The following TEP1 variants were observed in gnomAD, a reference collection of about 807,000 sequenced individuals.
The protein encoded by TEP1 is telomerase associated protein 1.
In TEP1, 241 loss-of-function variants were observed where a neutral mutation model predicts 306.3. The ratio of observed to expected loss-of-function variants is 0.79; its 90% CI spans 0.71 to 0.88. The LOEUF is 0.88. Among genes scored for constraint, TEP1 ranks in the 40% least tolerant of loss-of-function variants. The pLI, the probability that TEP1 is intolerant of heterozygous loss-of-function variation, is 0.00. For missense variants in TEP1, 3,051 were observed against 3,276.1 expected (o/e 0.93, Z 1.68); for synonymous variants, 1,289 against 1,305.5 (o/e 0.99, Z 0.27).
chr14:20,406,477 C>T, intron 2 of TEP1, 77 bp from the exon 3 acceptor site: 1 of 1,500,666 alleles, frequency 6.7e-7, no homozygotes, highest in East Asian at 2.3e-5. Context: ...GAAGGCAGCA[C>T]CAGGCCACGG....
chr14:20,411,120 T>C (rs997758267), intron 1 of TEP1, among the ~76,000 whole-genome samples: 3 of 152,076 alleles, frequency 2.0e-5, no homozygotes. Context: ...GCACCCAGCC[T>C]AATTGTTTCT....
At position 20,381,120 on chromosome 14, in the gene TEP1, G is replaced by C; in HGVS notation, c.4648-75C>G. ...AGGGACAGTTTAGTCTCAGAACCTG[G>C]ATACAGAGATAGGATCTGAGCTGGG... On this transcript the variant is annotated intron_variant, in intron 32 of 54. Coordinates refer to ENST00000262715, the MANE Select transcript of TEP1 (RefSeq NM_007110.5). The surrounding 1 kb of genome is among the most constrained non-coding windows in gnomAD (Gnocchi z 4.0). 7.7e-7 allele frequency: 1 copy of C among 1,294,214 alleles called. No homozygotes were observed. Among genetic ancestry groups the C allele is most frequent in the Non-Finnish European group, 1.1e-6 (1 of 891,378 alleles). 80.2% of individuals were successfully genotyped at this position (1,294,214 alleles called of 1,614,324 possible).
At chr14:20,391,904 C>T in intron 12 of TEP1, 137 bp from the exon 13 acceptor site, 1 of 882,206 alleles carries the variant, frequency 1.1e-6, no homozygotes, top group Non-Finnish European at 1.7e-6. Context: ...CCACAGCCCA[C>T]TCCATTTCTG....
chr14:20,381,766 C>T lies in TEP1; in HGVS notation c.4425-80G>A. The stretch of plus-strand genomic sequence containing the variant: ...TCCTGGCACACAGTGGGCTCCTATT[C>T]CCCCCTCAAATAGCGGAAACTGGAG... On this transcript the variant is annotated intron_variant, in intron 30 of 54. Coordinates refer to ENST00000262715, the MANE Select transcript of TEP1 (RefSeq NM_007110.5). The surrounding 1 kb of genome is among the most constrained non-coding windows in gnomAD (Gnocchi z 4.0). The T allele has an allele frequency of 6.5e-7, 1 of 1,531,514 alleles. No homozygotes were observed. The highest frequency in any genetic ancestry group is 8.7e-7 in the Non-Finnish European group (1 of 1,143,152). The allele number at this position is 1,531,514 out of a possible 1,614,324, so 94.9% of individuals were successfully genotyped here.
chr14:20,376,635 G>A (rs1885193820), intron 41 of TEP1, among the ~76,000 whole-genome samples: 1 of 152,130 alleles, frequency 6.6e-6, no homozygotes, highest in Non-Finnish European at 1.5e-5. Flanking sequence ...CCTAGAGAGG[G>A]CCTAGGCCAT....
chr14:20,388,524 T>TA (rs1186515873), intron 17 of TEP1, among the ~76,000 whole-genome samples: 7 of 151,934 alleles, frequency 4.6e-5, no homozygotes, highest in South Asian at 2.1e-4. Flanking sequence ...GAGAGACAGA[T>TA]AAAAAAAACG....
Position 20,379,850 on chromosome 14 carries a change from G to C in TEP1, c.5127+80C>G. 4 of 1,515,186 alleles carry C rather than the reference G, an allele frequency of 2.6e-6. No individual in the cohort carries two copies. The East Asian group carries it at 9.1e-5, about 34-fold the overall frequency. The allele number at this position is 1,515,186 out of a possible 1,614,324, so 93.9% of individuals were successfully genotyped here. A position where few individuals can be genotyped will look rare whatever the true frequency, so the allele number is the denominator to read the frequency against. ...TGAATTAATCAGAGTGATAACAGGT[G>C]TGTTTGGCTCATCTAGGGCTTCAGG... On this transcript the variant is annotated intron_variant, in intron 35 of 54. Coordinates refer to ENST00000262715, the MANE Select transcript of TEP1 (RefSeq NM_007110.5).
chr14:20,373,425 G>A, intron 46 of TEP1, 23 bp from the exon 47 acceptor site: 1 of 1,614,036 alleles, frequency 6.2e-7, no homozygotes, highest in Non-Finnish European at 8.5e-7. Context: ...GATGGAGATG[G>A]GCTCATGAGA....
chr14:20,388,328 G>A (rs574821042), intron 17 of TEP1, among the ~76,000 whole-genome samples: 2 of 152,304 alleles, frequency 1.3e-5, no homozygotes, highest in Admixed American at 1.3e-4. Flanking sequence ...CCGGGGCAAC[G>A]GGGTAGGGAA....
At chr14:20,407,785 C>A in intron 2 of TEP1, 88 bp downstream of exon 2, 1 of 1,221,356 alleles carries the variant, frequency 8.2e-7, no homozygotes, top group Non-Finnish European at 1.2e-6. Context: ...CACAGAGCAG[C>A]ACAGAGGGAA....
At chr14:20,409,973 G>C (rs891883704) in intron 1 of TEP1, among the ~76,000 whole-genome samples, 10 of 128,696 alleles carry the variant, frequency 7.8e-5, no homozygotes, top group Non-Finnish European at 1.4e-4. Flanking sequence ...AGTGAGCCCA[G>C]ATTGGCCACT....
At chr14:20,382,101 T>C (rs1427522032) in intron 29 of TEP1, 38 bp from the exon 30 acceptor site, 4 of 1,612,456 alleles carry the variant, frequency 2.5e-6, no homozygotes, top group Non-Finnish European at 3.4e-6. Context: ...CATCTAACCA[T>C]ACGGTGTCCC....
At chr14:20,395,834 G>A (rs548063431) in intron 11 of TEP1, 25 bp downstream of exon 11, 1 of 1,604,304 alleles carries the variant, frequency 6.2e-7, no homozygotes, top group African/African-American at 1.3e-5. Context: ...GAGGCAAAGA[G>A]GAGTTGGAAG....
intron 6 of TEP1, 30 bp downstream of exon 6, chr14:20,403,693 C>T (rs759276890): frequency 4.8e-5 from 78 of 1,612,292 alleles, no homozygotes; most frequent in Non-Finnish European, 6.3e-5. Context: ...AGAAAAGGGG[C>T]GTGGGTCGAG....
At position 20,403,770 on chromosome 14, in the gene TEP1, G is replaced by A. The variant is rs914900744; in HGVS notation, c.1147C>T (p.Arg383Trp). ...GGGTGTCTCTTGGCCCGGTGCTTCC[G>A]AGGGTTGTACTTAGCCAGCTGGTAC... ...DEYQLAKYNP[R>W]KHRAKRHPRR... Residue 383 changes from arginine to tryptophan, a missense_variant, in exon 6 of 55, where the codon CGG becomes TGG. Around this residue, in one of 3 missense-constraint regions of TEP1, gnomAD observed 1,507 missense variants for 1,550.5 expected, o/e 0.97. Coordinates refer to ENST00000262715, the MANE Select transcript of TEP1 (RefSeq NM_007110.5). The A allele has an allele frequency of 7.4e-6, 12 of 1,614,016 alleles. No homozygotes were observed. The highest frequency in any genetic ancestry group is 3.3e-4 in the Middle Eastern group (2 of 6,064).
rs967399743 is a variant in TEP1 at position 20,366,320 on chromosome 14, T to C, written c.*2117A>G. 6.6e-6 allele frequency: 1 copy of C among 152,218 alleles called. No homozygotes were observed. Among genetic ancestry groups the C allele is most frequent in the South Asian group, 2.1e-4 (1 of 4,826 alleles). 9.4% of individuals were successfully genotyped at this position (152,218 alleles called of 1,614,324 possible). A position where few individuals can be genotyped will look rare whatever the true frequency, so the allele number is the denominator to read the frequency against. The stretch of plus-strand genomic sequence containing the variant: ...AGACAAATAGAGCTTCCTCCTGCAA[T>C]TGGCCCAAGATTTTAGGGGAGCAAA... On this transcript the variant is annotated 3_prime_UTR_variant, in exon 55 of 55. Transcript: ENST00000262715.
rs907384022 is a variant in TEP1 at position 20,367,643 on chromosome 14, G to T, written c.*794C>A. On this transcript the variant is annotated 3_prime_UTR_variant, in exon 55 of 55. Transcript: ENST00000262715. The stretch of plus-strand genomic sequence containing the variant: ...TTTTTTTTTTTTTAGACAGAGTCTC[G>T]CTCTGTTGCCCAGGCTGGAGTGCAG... The T allele has an allele frequency of 6.7e-6, 1 of 149,626 alleles. No individual in the cohort carries two copies. Among genetic ancestry groups the T allele is most frequent in the Non-Finnish European group, 1.5e-5 (1 of 68,152 alleles). The allele number at this position is 149,626 out of a possible 1,614,324, so 9.3% of individuals were successfully genotyped here.
intron 9 of TEP1, among the ~76,000 whole-genome samples, chr14:20,399,888 G>A (rs908878546): frequency 3.3e-5 from 5 of 151,744 alleles, no homozygotes; most frequent in East Asian, 1.9e-4. Flanking sequence ...ATGGCTGGGC[G>A]TGGTGGCTCA....
chr14:20,391,871 T>A, intron 12 of TEP1, 104 bp from the exon 13 acceptor site: 1 of 1,299,456 alleles, frequency 7.7e-7, no homozygotes, highest in Non-Finnish European at 1.1e-6. Flanking sequence ...GTCTTCTCCC[T>A]CCCTCAAGCA....
Sources: allele counts gnomAD v4.1 joint callset (sites outside exome capture counted in the v4.1 genomes callset), GRCh38; gene constraint gnomAD v4.1.1; regional missense constraint gnomAD v4.1.1; non-coding constraint Gnocchi (gnomAD v3.1); transcripts MANE v1.5; gene names NCBI Gene and HGNC (gene_info 2026-07-23, HGNC 2026-07-21).